Variants in THSD7B observed in about 807,000 individuals in gnomAD.
The protein encoded by THSD7B is thrombospondin type 1 domain containing 7B, also known as thrombospondin type-1 domain-containing protein 7B.
In THSD7B, 138 loss-of-function variants were observed where a neutral mutation model predicts 213.6. The observed-to-expected ratio is 0.65, with a 90% CI of 0.56 to 0.74. The LOEUF (loss-of-function observed/expected upper bound fraction) is 0.74. Ranked by LOEUF, THSD7B falls within the 30% of genes least tolerant of loss-of-function variation. THSD7B has a pLI of 0.00. For missense variants in THSD7B, 1,931 were observed against 1,991.5 expected (o/e 0.97, Z 0.58); for synonymous variants, 742 against 687.0 (o/e 1.08, Z -1.25).
intron 1 of THSD7B, among the ~76,000 whole-genome samples, chr2:136,830,180 T>G (rs1017568370): frequency 6.6e-6 from 1 of 151,938 alleles, no homozygotes; most frequent in Non-Finnish European, 1.5e-5. Context: ...TAAATTGAAG[T>G]GAAATACTGT....
chr2:136,915,513 G>GT (rs1368422944), intron 2 of THSD7B, among the ~76,000 whole-genome samples: 1 of 152,194 alleles, frequency 6.6e-6, no homozygotes, highest in African/African-American at 2.4e-5. Context: ...TTCTAGACCT[G>GT]TTTGATTCAC....
At chr2:137,303,427 T>G (rs1683655531) in intron 12 of THSD7B, among the ~76,000 whole-genome samples, 1 of 151,868 alleles carries the variant, frequency 6.6e-6, no homozygotes, top group Non-Finnish European at 1.5e-5. Context: ...TTTTTTAAAC[T>G]TGTATTTAAT....
At chr2:137,112,623 A>G (rs531099373) in intron 4 of THSD7B, among the ~76,000 whole-genome samples, 1 of 152,350 alleles carries the variant, frequency 6.6e-6, no homozygotes, top group South Asian at 2.1e-4. Context: ...TCAAACAAGC[A>G]AAAAATAACT....
chr2:136,971,375 G>A (rs1685400121), intron 2 of THSD7B, among the ~76,000 whole-genome samples: 1 of 151,902 alleles, frequency 6.6e-6, no homozygotes, highest in Non-Finnish European at 1.5e-5. Flanking sequence ...AGCGACACAG[G>A]TAGAATATTA....
intron 12 of THSD7B, among the ~76,000 whole-genome samples, chr2:137,340,793 A>G (rs181565574): frequency 6.6e-6 from 1 of 151,884 alleles, no homozygotes; most frequent in African/African-American, 2.4e-5. Context: ...TCCATTGTGT[A>G]TGTATCCCAC....
At chr2:136,846,815 G>C (rs973407228) in intron 1 of THSD7B, among the ~76,000 whole-genome samples, 1 of 151,980 alleles carries the variant, frequency 6.6e-6, no homozygotes, top group Non-Finnish European at 1.5e-5. Flanking sequence ...GACAGCATTA[G>C]GATTTACTAG....
chr2:137,133,368 A>T (rs1440221954), intron 5 of THSD7B, among the ~76,000 whole-genome samples: 1 of 152,228 alleles, frequency 6.6e-6, no homozygotes, highest in Non-Finnish European at 1.5e-5. Context: ...AATGGAACAT[A>T]AACTTCTTTA....
At chr2:137,026,818 T>C (rs1341410268) in intron 2 of THSD7B, among the ~76,000 whole-genome samples, 2 of 152,178 alleles carry the variant, frequency 1.3e-5, no homozygotes, top group Non-Finnish European at 2.9e-5. Flanking sequence ...TCTCGTGTCC[T>C]GATATTTAGG....
At chr2:137,152,529 A>C (rs1229070759) in intron 5 of THSD7B, among the ~76,000 whole-genome samples, 1 of 152,196 alleles carries the variant, frequency 6.6e-6, no homozygotes, top group East Asian at 1.9e-4. Context: ...TCATCTGTAA[A>C]AATAGAAATG....
chr2:137,198,446 A>G (rs556770504), intron 7 of THSD7B, among the ~76,000 whole-genome samples: 1 of 152,288 alleles, frequency 6.6e-6, no homozygotes, highest in Admixed American at 6.5e-5. Context: ...GCTTCACTAC[A>G]GGTCACATTT....
intron 2 of THSD7B, among the ~76,000 whole-genome samples, chr2:136,933,626 C>G (rs1011335250): frequency 6.6e-6 from 1 of 152,028 alleles, no homozygotes. Flanking sequence ...TGAAGAGACT[C>G]CAACTGGCTT....
At chr2:136,965,010 CAAAAAAA>C (rs70975732) in intron 2 of THSD7B, among the ~76,000 whole-genome samples, 1 of 118,086 alleles carries the variant, frequency 8.5e-6, no homozygotes. Context: ...GACCCTGTCT[CAAAAAAA>C]AAAAAAAAAA....
intron 2 of THSD7B, among the ~76,000 whole-genome samples, chr2:136,931,763 C>T (rs957131534): frequency 6.6e-6 from 1 of 152,118 alleles, no homozygotes; most frequent in Non-Finnish European, 1.5e-5. Flanking sequence ...AAAAAGTAGA[C>T]TGTATTGTGC....
At position 136,781,783 on chromosome 2, in the gene THSD7B, G is replaced by C. The variant is rs549253304; in HGVS notation, c.-36+16096G>C. Among the ~76,000 whole-genome samples the C allele has an allele frequency of 2.0e-5, 3 of 152,038 alleles. No individual in the cohort carries two copies. The East Asian group carries it at 5.8e-4, about 29-fold the overall frequency. Reference sequence around the variant, plus strand: ...CCCTGGCGTTCCTCTGATTCCTTCTGTCTATGCCCTGCCTCCTGTCTCCGT... The same window carrying C: ...CCCTGGCGTTCCTCTGATTCCTTCTCTCTATGCCCTGCCTCCTGTCTCCGT... On this transcript the variant is annotated intron_variant, in intron 1 of 27. Transcript: ENST00000409968.
chr2:137,155,141 G>A (rs990876571), intron 5 of THSD7B, among the ~76,000 whole-genome samples: 1 of 152,174 alleles, frequency 6.6e-6, no homozygotes, highest in African/African-American at 2.4e-5. Context: ...GATGCCGCTA[G>A]GCAGTGATCC....
chr2:137,019,002 CCT>C (rs1686394140), intron 2 of THSD7B, among the ~76,000 whole-genome samples: 1 of 152,116 alleles, frequency 6.6e-6, no homozygotes, highest in Non-Finnish European at 1.5e-5. Flanking sequence ...AGCCTCCAGT[CCT>C]CTCTTTACTT....
At chr2:137,616,666 A>G (rs1365061523) in intron 18 of THSD7B, among the ~76,000 whole-genome samples, 1 of 152,190 alleles carries the variant, frequency 6.6e-6, no homozygotes, top group Non-Finnish European at 1.5e-5. Context: ...ACTGTGATAG[A>G]ATTTGGCTCT....
intron 17 of THSD7B, among the ~76,000 whole-genome samples, chr2:137,573,176 A>G (rs1382204768): frequency 1.3e-5 from 2 of 152,124 alleles, no homozygotes; most frequent in Non-Finnish European, 2.9e-5. Flanking sequence ...AGCATATTTC[A>G]ACTTACTATT....
intron 2 of THSD7B, among the ~76,000 whole-genome samples, chr2:136,939,391 T>C (rs2105057819): frequency 6.6e-6 from 1 of 152,326 alleles, no homozygotes; most frequent in East Asian, 1.9e-4. Context: ...TGCTAACATG[T>C]TTCATGCTAC....
Sources: allele counts gnomAD v4.1 joint callset (sites outside exome capture counted in the v4.1 genomes callset), GRCh38; gene constraint gnomAD v4.1.1; transcripts MANE v1.5; gene names NCBI Gene and HGNC (gene_info 2026-07-23, HGNC 2026-07-21).